Variants in PRKDC observed in about 807,000 individuals in gnomAD.
PRKDC encodes protein kinase, DNA-activated, catalytic subunit, also known as DNA-dependent protein kinase catalytic subunit.
A neutral mutation model predicts 486.9 loss-of-function variants in PRKDC; 82 were observed. The observed-to-expected ratio is 0.17, with a 90% CI of 0.14 to 0.20. The LOEUF (loss-of-function observed/expected upper bound fraction) is 0.20, where lower values mean the gene tolerates loss of function less well. PRKDC is among the 10% of genes least tolerant of loss of function. The probability of loss-of-function intolerance (pLI) is 1.00; values close to 1 mark genes in which losing one functional copy is unlikely to be tolerated. For synonymous variants in PRKDC, 1,895 were observed against 1,837.0 expected, an observed-to-expected ratio of 1.03 and a Z score of -0.81; for missense variants, 4,504 against 5,038.2, an observed-to-expected ratio of 0.89 and a Z score of 3.21.
chr8:47,890,173 A>C lies in PRKDC; in HGVS notation c.4071+84T>G, dbSNP rs556264558. On this transcript the variant is annotated intron_variant, in intron 32 of 85. Coordinates refer to ENST00000314191, the MANE Select transcript of PRKDC (RefSeq NM_006904.7). ...ATAATAATAATGATAAATTTTTATT[A>C]AAAGCCAAAACCCCTTCTAACAGAA... 2.6e-4 allele frequency: 194 copies of C among 759,270 alleles called. 1 individual carries two copies. In the South Asian group the frequency reaches 8.8e-3, roughly 34 times the overall value. 47.0% of individuals were successfully genotyped at this position (759,270 alleles called of 1,614,324 possible). A position where few individuals can be genotyped will look rare whatever the true frequency, so the allele number is the denominator to read the frequency against.
intron 7 of PRKDC, among the ~76,000 whole-genome samples, chr8:47,944,361 C>G (rs2090494573): frequency 6.6e-6 from 1 of 151,778 alleles, no homozygotes; most frequent in Admixed American, 6.6e-5. Flanking sequence ...GCAATAGGGA[C>G]CGTATATACC....
In PRKDC at chr8:47,844,621, C is replaced by T. The variant is rs185843939; in HGVS notation, c.7281-4432G>A. The stretch of plus-strand genomic sequence containing the variant: ...CTGCACATGGAACATACTCTAAGAT[C>T]AACCACATGCTCAGCCATAAAGCAA... On this transcript the variant is annotated intron_variant, in intron 54 of 85. Coordinates refer to ENST00000314191, the MANE Select transcript of PRKDC (RefSeq NM_006904.7). Among the ~76,000 whole-genome samples the T allele has an allele frequency of 2.6e-5, 4 of 152,224 alleles. No individual in the cohort carries two copies. The East Asian group carries it at 7.7e-4, about 29-fold the overall frequency.
At chr8:47,815,047 T>G (rs118162034) in intron 68 of PRKDC, among the ~76,000 whole-genome samples, 20,210 of 151,942 alleles carry the variant, frequency 0.13, 2,180 homozygotes, top group African/African-American at 0.27. Context: ...ACGCCTGTGG[T>G]CCCAGCTACT....
chr8:47,942,928 C>A (rs2090469883), intron 10 of PRKDC, among the ~76,000 whole-genome samples: 1 of 152,238 alleles, frequency 6.6e-6, no homozygotes, highest in South Asian at 2.1e-4. Context: ...CACTCTCCAG[C>A]CCTGACCTCC....
chr8:47,904,156 G>A (rs2213178), intron 26 of PRKDC, among the ~76,000 whole-genome samples: 31,320 of 152,152 alleles, frequency 0.21, 4,248 homozygotes, highest in South Asian at 0.42. Context: ...ATGCTTCTCC[G>A]TGTCAGGAGA....
In PRKDC at chr8:47,933,057, T is replaced by G; in HGVS notation, c.1739A>C (p.Asp580Ala). 1.9e-6 allele frequency: 3 copies of G among 1,599,180 alleles called. No individual in the cohort carries two copies. Among genetic ancestry groups the G allele is most frequent in the Non-Finnish European group, 2.6e-6 (3 of 1,174,440 alleles). ...AACAGTCTGTATTTCAAGTGTAAGA[T>G]CCAATTTCTCAACAATCTTCAAAAC... ...KSVLKIVEKLDLTLEIQTVGE... is the reference protein window; with the variant it reads ...KSVLKIVEKLALTLEIQTVGE... Residue 580 changes from aspartate (D) to alanine (A), a missense_variant, in exon 16 of 86, where the codon GAT becomes GCT. Transcript: ENST00000314191.
At position 47,849,471 on chromosome 8, in the gene PRKDC, C is replaced by T. The variant is rs754824486; in HGVS notation, c.7038G>A (p.Ala2346=). The part of the protein sequence containing the change: ...ILEESLCELV[A]KQLKQHQNTM... Reference sequence around the variant, plus strand: ...TATTCTGATGTTGCTTCAATTGTTTCGCAACCAGTTCACACAGAGACTCCT... The same window carrying T: ...TATTCTGATGTTGCTTCAATTGTTTTGCAACCAGTTCACACAGAGACTCCT... The change falls in exon 53 of 86, where the codon GCG becomes GCA. Residue 2346 remains alanine (A), a synonymous_variant. Coordinates refer to ENST00000314191, the MANE Select transcript of PRKDC (RefSeq NM_006904.7). 9.9e-6 allele frequency: 16 copies of T among 1,613,978 alleles called. No homozygotes were observed. The highest frequency in any genetic ancestry group is 6.7e-5 in the East Asian group (3 of 44,896).
chr8:47,862,381 G>T lies in PRKDC; in HGVS notation c.5911C>A (p.Pro1971Thr), dbSNP rs1348319468. The T allele has an allele frequency of 1.2e-6, 2 of 1,613,658 alleles. No individual in the cohort carries two copies. Among genetic ancestry groups the T allele is most frequent in the African/African-American group, 1.3e-5 (1 of 75,014 alleles). The change falls in exon 43 of 86, where the codon CCA becomes ACA. Residue 1971 changes from proline to threonine, a missense_variant. Physicochemically the swap from Pro to Thr is conservative, Grantham distance 38. Coordinates refer to ENST00000314191, the MANE Select transcript of PRKDC (RefSeq NM_006904.7). ...FYQGFLFSEKPEKNLLIFENL... is the reference protein window; with the variant it reads ...FYQGFLFSEKTEKNLLIFENL... ...CCGTAGGAGTGGCCTACCTTTTCTG[G>T]TTTTTCACTAAACAGAAAACCTTGG... is the stretch of plus-strand genomic sequence containing the variant.
chr8:47,803,463 A>C lies in PRKDC; in HGVS notation c.9765T>G (p.Ala3255=). ...SARKQNNFSL[A]MKLLKELHKE... ...TATGCAGCTCCTTCAGTAGTTTCAT[A>C]GCAAGTGAGAAATTGTTCTGTATGA... The change falls in exon 70 of 86, where the codon GCT becomes GCG. Residue 3255 remains alanine (A), a synonymous_variant. Transcript: ENST00000314191. The C allele has an allele frequency of 6.2e-7, 1 of 1,614,008 alleles. No individual in the cohort carries two copies. The highest frequency in any genetic ancestry group is 2.2e-5 in the East Asian group (1 of 44,886).
At chr8:47,791,876 A>T (rs998113898) in intron 74 of PRKDC, among the ~76,000 whole-genome samples, 1 of 152,238 alleles carries the variant, frequency 6.6e-6, no homozygotes, top group African/African-American at 2.4e-5. Flanking sequence ...AAAGGATATC[A>T]GTATGATATC....
rs914043563 is a variant in PRKDC at position 47,803,534 on chromosome 8, G to A, written c.9748-54C>T. On this transcript the variant is annotated intron_variant, in intron 69 of 85. Coordinates refer to ENST00000314191, the MANE Select transcript of PRKDC (RefSeq NM_006904.7). ...GTGGTATGATGATACACAAGTGACA[G>A]AAGTTTCTAATTGGCCTGCTTCCCC... 4.5e-5 allele frequency: 70 copies of A among 1,572,860 alleles called. 1 individual carries two copies. The South Asian group carries it at 7.6e-4, about 17-fold the overall frequency.
At chr8:47,774,853 C>T (rs1009586375) in intron 85 of PRKDC, among the ~76,000 whole-genome samples, 8 of 152,002 alleles carry the variant, frequency 5.3e-5, no homozygotes, top group African/African-American at 1.9e-4. Flanking sequence ...GACTTGAACT[C>T]CCGGGCTCTA....
At position 47,904,953 on chromosome 8, in the gene PRKDC, T is replaced by G. The variant is rs368018782; in HGVS notation, c.2958A>C (p.Pro986=). ...VDQVTRQLYE[P]LVMQLIHWFT... ...ACCAGTGAATCAGCTGCATAACTAG[T>G]GGCTCATACAGTTGCCTTGTCACCT... Residue 986 remains proline (P), a synonymous_variant, in exon 26 of 86, where the codon CCA becomes CCC. Coordinates refer to ENST00000314191, the MANE Select transcript of PRKDC (RefSeq NM_006904.7). 1 of 1,613,502 alleles carries G rather than the reference T, an allele frequency of 6.2e-7. No homozygotes were observed. Among genetic ancestry groups the G allele is most frequent in the Non-Finnish European group, 8.5e-7 (1 of 1,179,530 alleles).
intron 51 of PRKDC, among the ~76,000 whole-genome samples, chr8:47,853,008 T>C (rs1232129580): frequency 6.6e-6 from 1 of 152,226 alleles, no homozygotes; most frequent in African/African-American, 2.4e-5. Flanking sequence ...TGTCCCATCA[T>C]GCAGAACCGC....
intron 25 of PRKDC, among the ~76,000 whole-genome samples, chr8:47,906,684 T>C (rs960952077): frequency 6.6e-6 from 1 of 151,188 alleles, no homozygotes; most frequent in South Asian, 2.1e-4. Flanking sequence ...TACACTGATA[T>C]CCTGTACATT....
intron 30 of PRKDC, among the ~76,000 whole-genome samples, chr8:47,895,231 A>T (rs1205294561): frequency 6.6e-6 from 1 of 152,144 alleles, no homozygotes; most frequent in East Asian, 1.9e-4. Context: ...AGAAAACAAA[A>T]ATAGCCACTG....
chr8:47,920,668 G>A lies in PRKDC; in HGVS notation c.2420-2285C>T, dbSNP rs559373151. Among the ~76,000 whole-genome samples the A allele has an allele frequency of 1.4e-3, 219 of 152,262 alleles. 2 individuals carry two copies. The highest frequency in any genetic ancestry group is 5.0e-3 in the African/African-American group (209 of 41,552). On this transcript the variant is annotated intron_variant, in intron 21 of 85. Coordinates refer to ENST00000314191, the MANE Select transcript of PRKDC (RefSeq NM_006904.7). ...GTAAAGAGACAAGTTTAATATTTTG[G>A]TTTAAATAAATGTATTTTATCTATC...
intron 56 of PRKDC, among the ~76,000 whole-genome samples, chr8:47,838,068 G>A (rs1354585944): frequency 5.3e-5 from 8 of 152,114 alleles, no homozygotes; most frequent in East Asian, 1.9e-4. Flanking sequence ...CCTAGGAGGC[G>A]GAGGTTGCAA....
intron 59 of PRKDC, among the ~76,000 whole-genome samples, chr8:47,833,282 A>G (rs1319417202): frequency 3.9e-5 from 6 of 152,304 alleles, no homozygotes; most frequent in Admixed American, 2.6e-4. Context: ...CTACGATTAG[A>G]TAAGAAGGCA....
Sources: allele counts gnomAD v4.1 joint callset (sites outside exome capture counted in the v4.1 genomes callset), GRCh38; gene constraint gnomAD v4.1.1; transcripts MANE v1.5; gene names NCBI Gene and HGNC (gene_info 2026-07-23, HGNC 2026-07-21).